The following AUTS2 variants were observed in gnomAD, a reference collection of about 807,000 sequenced individuals.
The protein encoded by AUTS2 is activator of transcription and developmental regulator AUTS2, also known as autism susceptibility gene 2 protein.
In AUTS2, 17 loss-of-function variants were observed where a neutral mutation model predicts 112.4. That is an observed-to-expected ratio of 0.15 (90% CI 0.10 to 0.23). The LOEUF (loss-of-function observed/expected upper bound fraction) is 0.23. AUTS2 is among the 10% of genes least tolerant of loss of function. The probability of loss-of-function intolerance (pLI) is 1.00; values close to 1 mark genes in which losing one functional copy is unlikely to be tolerated. For synonymous variants in AUTS2, 751 were observed against 702.7 expected, an observed-to-expected ratio of 1.07 and a Z score of -1.09; for missense variants, 1,510 against 1,701.6, an observed-to-expected ratio of 0.89 and a Z score of 1.98.
At chr7:69,773,114 C>T (rs985993139) in intron 1 of AUTS2, among the ~76,000 whole-genome samples, 2 of 152,090 alleles carry the variant, frequency 1.3e-5, no homozygotes, top group Non-Finnish European at 1.5e-5. Context: ...AGTGCGCAGC[C>T]GACCTAGTAT....
intron 4 of AUTS2, among the ~76,000 whole-genome samples, chr7:70,276,006 A>T (rs1202762822): frequency 1.3e-5 from 2 of 152,196 alleles, no homozygotes; most frequent in Non-Finnish European, 2.9e-5. Context: ...GGCAATTAGT[A>T]TGTCTGTCCT....
At chr7:70,734,780 A>T (rs1258392769) in intron 6 of AUTS2, among the ~76,000 whole-genome samples, 2 of 152,150 alleles carry the variant, frequency 1.3e-5, no homozygotes, top group African/African-American at 4.8e-5. Flanking sequence ...TAAGATTCTT[A>T]AACTGTTTAT....
At chr7:70,390,415 A>T (rs1459794678) in intron 4 of AUTS2, among the ~76,000 whole-genome samples, 2 of 152,142 alleles carry the variant, frequency 1.3e-5, no homozygotes, top group African/African-American at 2.4e-5. Flanking sequence ...TTTAGAAATC[A>T]GGAAACCTTG....
intron 5 of AUTS2, among the ~76,000 whole-genome samples, chr7:70,507,595 A>T (rs970150609): frequency 1.3e-5 from 2 of 152,042 alleles, no homozygotes; most frequent in Non-Finnish European, 2.9e-5. Context: ...TCAGGAGTTC[A>T]AGACCAGCCT....
intron 2 of AUTS2, among the ~76,000 whole-genome samples, chr7:70,064,885 G>A (rs575891834): frequency 2.0e-4 from 31 of 152,230 alleles, no homozygotes; most frequent in African/African-American, 7.2e-4. Flanking sequence ...CCCGGTAGTA[G>A]GTATTACTTT....
intron 4 of AUTS2, among the ~76,000 whole-genome samples, chr7:70,218,866 G>T (rs369917177): frequency 1.3e-5 from 2 of 151,862 alleles, no homozygotes; most frequent in African/African-American, 4.8e-5. Flanking sequence ...TAGACCTAGC[G>T]ATATGTACCT....
At chr7:70,221,912 T>A (rs1242773712) in intron 4 of AUTS2, among the ~76,000 whole-genome samples, 1 of 152,082 alleles carries the variant, frequency 6.6e-6, no homozygotes, top group Admixed American at 6.6e-5. Flanking sequence ...AAATAAAGAA[T>A]CTATCATTTG....
At chr7:70,743,257 C>T (rs1257766710) in intron 6 of AUTS2, among the ~76,000 whole-genome samples, 1 of 151,968 alleles carries the variant, frequency 6.6e-6, no homozygotes, top group African/African-American at 2.4e-5. Flanking sequence ...CACATGAGGC[C>T]AGGAGTTCAA....
At chr7:69,600,053 GCTGTCTGTCTGT>G (rs113411804) in intron 1 of AUTS2, 91 bp downstream of exon 1, 76 of 1,259,618 alleles carry the variant, frequency 6.0e-5, no homozygotes, top group African/African-American at 4.2e-4. Context: ...CGCGCTCCGG[GCTGTCTGTCTGT>G]CTGTCTGTCT....
intron 1 of AUTS2, among the ~76,000 whole-genome samples, chr7:69,768,346 A>T (rs185596601): frequency 3.1e-4 from 47 of 152,306 alleles, no homozygotes; most frequent in African/African-American, 1.1e-3. Context: ...ACTTACATAA[A>T]CTCATTTAAT....
chr7:70,724,023 C>T (rs919367921), intron 6 of AUTS2, among the ~76,000 whole-genome samples: 1 of 152,018 alleles, frequency 6.6e-6, no homozygotes, highest in Non-Finnish European at 1.5e-5. Context: ...TCCCGAGTAG[C>T]TGGGATTATG....
chr7:70,487,236 C>A (rs112943288), intron 5 of AUTS2, among the ~76,000 whole-genome samples: 20,352 of 152,214 alleles, frequency 0.13, 1,746 homozygotes, highest in Non-Finnish European at 0.19. Flanking sequence ...CCCGCGCCCC[C>A]CTCCCAGCCA....
At chr7:69,732,718 A>C (rs757482414) in intron 1 of AUTS2, among the ~76,000 whole-genome samples, 1 of 152,192 alleles carries the variant, frequency 6.6e-6, no homozygotes, top group Non-Finnish European at 1.5e-5. Context: ...AGCATTTAAT[A>C]AAAAAATCCC....
At chr7:70,245,142 GTGTA>G (rs1397745696) in intron 4 of AUTS2, among the ~76,000 whole-genome samples, 2 of 72,250 alleles carry the variant, frequency 2.8e-5, no homozygotes, top group African/African-American at 5.5e-5. Context: ...AAGTGTGTGT[GTGTA>G]TATATATATA....
rs1030090929 is a variant in AUTS2 at position 70,260,141 on chromosome 7, G to A, written c.660+125570G>A. On this transcript the variant is annotated intron_variant, in intron 4 of 18. Transcript: ENST00000342771. The stretch of plus-strand genomic sequence containing the variant: ...AGCACTTTGGGAGGCTGCAGCAGGC[G>A]GATCATGAGGTCAGGAGATCAAGAC... Among the ~76,000 whole-genome samples the A allele has an allele frequency of 6.6e-5, 10 of 151,942 alleles. No homozygotes were observed. The East Asian group carries it at 9.7e-4, about 15-fold the overall frequency.
intron 4 of AUTS2, among the ~76,000 whole-genome samples, chr7:70,172,130 C>T (rs886067003): frequency 2.0e-5 from 3 of 152,090 alleles, no homozygotes; most frequent in African/African-American, 7.2e-5. Context: ...TTATCCAGCA[C>T]GACACTGACA....
intron 2 of AUTS2, among the ~76,000 whole-genome samples, chr7:69,981,008 C>T (rs904914807): frequency 1.3e-5 from 2 of 152,200 alleles, no homozygotes; most frequent in Admixed American, 6.5e-5. Flanking sequence ...ATTTTAACTT[C>T]CCTTTCCCAG....
intron 2 of AUTS2, among the ~76,000 whole-genome samples, chr7:69,985,561 A>G (rs187070049): frequency 6.6e-6 from 1 of 152,204 alleles, no homozygotes. Flanking sequence ...GTCATGGCCT[A>G]TGAAGCCGTA....
chr7:70,429,517 G>C (rs1251970161), intron 4 of AUTS2, among the ~76,000 whole-genome samples: 1 of 152,238 alleles, frequency 6.6e-6, no homozygotes, highest in Non-Finnish European at 1.5e-5. Context: ...GCAGATGGCT[G>C]GTGGCATGAC....
Sources: allele counts gnomAD v4.1 joint callset (sites outside exome capture counted in the v4.1 genomes callset), GRCh38; gene constraint gnomAD v4.1.1; transcripts MANE v1.5; gene names NCBI Gene and HGNC (gene_info 2026-07-23, HGNC 2026-07-21).